Variants in IL6ST observed in about 807,000 individuals in gnomAD.
The protein encoded by IL6ST is interleukin-6 receptor subunit beta.
In IL6ST, 24 loss-of-function variants were observed where a neutral mutation model predicts 91.3. The observed-to-expected ratio is 0.26, with a 90% CI of 0.19 to 0.37. The LOEUF (loss-of-function observed/expected upper bound fraction) is 0.37, where lower values mean the gene tolerates loss of function less well. Ranked by LOEUF, IL6ST falls within the 10% of genes least tolerant of loss-of-function variation. The probability of loss-of-function intolerance (pLI) is 1.00; values close to 1 mark genes in which losing one functional copy is unlikely to be tolerated. For synonymous variants in IL6ST, 351 were observed against 373.6 expected (o/e 0.94, Z 0.70); for missense variants, 914 against 1,078.5 (o/e 0.85, Z 2.14).
rs553416928 is a variant in IL6ST, at chr5:55,994,152, G to A, written c.-104+632C>T. 9 of 141,694 alleles carry A rather than the reference G, an allele frequency of 6.4e-5. No homozygotes were observed. In the East Asian group the frequency reaches 1.6e-3, roughly 26 times the overall value. The allele number at this position is 141,694 out of a possible 1,614,324, so 8.8% of individuals were successfully genotyped here. A position where few individuals can be genotyped will look rare whatever the true frequency, so the allele number is the denominator to read the frequency against. On this transcript the variant is annotated intron_variant, in intron 1 of 16. Transcript: ENST00000381298. ...AATAAAATGCTGTTCATCCACTGAAGAACAGACCCTTGCTTCCTGCACTAT... is the reference window on the plus strand; with the variant it reads ...AATAAAATGCTGTTCATCCACTGAAAAACAGACCCTTGCTTCCTGCACTAT...
At chr5:55,953,884 G>A (rs1201510234) in intron 11 of IL6ST, among the ~76,000 whole-genome samples, 1 of 152,200 alleles carries the variant, frequency 6.6e-6, no homozygotes, top group African/African-American at 2.4e-5. Context: ...ATACTCCAGA[G>A]GATGAGGCAG....
chr5:55,976,507 T>C (rs1233842812), intron 2 of IL6ST, among the ~76,000 whole-genome samples: 1 of 152,192 alleles, frequency 6.6e-6, no homozygotes, highest in Non-Finnish European at 1.5e-5. Context: ...AATTTATACT[T>C]TAAGGTTAAT....
At chr5:55,944,221 G>A (rs1191723756) in intron 15 of IL6ST, among the ~76,000 whole-genome samples, 3 of 152,100 alleles carry the variant, frequency 2.0e-5, no homozygotes, top group Non-Finnish European at 4.4e-5. Context: ...TGTACTAGAG[G>A]TCTTAGCCAG....
intron 15 of IL6ST, among the ~76,000 whole-genome samples, chr5:55,945,046 A>T (rs1193885055): frequency 7.1e-6 from 1 of 141,490 alleles, no homozygotes; most frequent in African/African-American, 2.9e-5. Flanking sequence ...AAATCAAAAA[A>T]AAAAAAAAAA....
chr5:55,952,696 C>T (rs1006711611), intron 11 of IL6ST, among the ~76,000 whole-genome samples: 5 of 152,074 alleles, frequency 3.3e-5, no homozygotes, highest in African/African-American at 1.2e-4. Context: ...AGGAGCAAGA[C>T]GACTAAAGCA....
At chr5:55,951,729 A>G in intron 13 of IL6ST, 125 bp from the exon 14 acceptor site, 2 of 924,222 alleles carry the variant, frequency 2.2e-6, no homozygotes, top group Non-Finnish European at 3.3e-6. Flanking sequence ...AACTTTTATA[A>G]TGTTCTGACA....
At chr5:55,947,614 A>AAT in intron 14 of IL6ST, 25 bp from the exon 15 acceptor site, 5 of 1,321,538 alleles carry the variant, frequency 3.8e-6, no homozygotes, top group Non-Finnish European at 5.3e-6. Context: ...AAAAAAAAAA[A>AAT]AAAGAGGTGT....
chr5:55,940,338 T>C lies in IL6ST; in HGVS notation c.*744A>G, dbSNP rs1000219531. On this transcript the variant is annotated 3_prime_UTR_variant, in exon 17 of 17. Coordinates refer to ENST00000381298, the MANE Select transcript of IL6ST (RefSeq NM_002184.4). ...CCTAGCTCTTATCATGGCACTCTGT[T>C]GAGTTTGTGAAATGCATCTTCAAAG... The C allele has an allele frequency of 9.6e-6, 2 of 209,272 alleles. No homozygotes were observed. The highest frequency in any genetic ancestry group is 1.4e-4 in the East Asian group (2 of 13,872). 13.0% of individuals were successfully genotyped at this position (209,272 alleles called of 1,614,324 possible). A position where few individuals can be genotyped will look rare whatever the true frequency, so the allele number is the denominator to read the frequency against.
At chr5:55,986,536 T>C (rs538643193) in intron 1 of IL6ST, among the ~76,000 whole-genome samples, 2 of 152,318 alleles carry the variant, frequency 1.3e-5, no homozygotes, top group African/African-American at 4.8e-5. Context: ...TGCTTTCCAA[T>C]TGGGTGTTCA....
At chr5:55,955,016 GAAATAAT>G in intron 10 of IL6ST, 24 bp from the exon 11 acceptor site, 2 of 1,428,648 alleles carry the variant, frequency 1.4e-6, no homozygotes, top group Non-Finnish European at 1.9e-6. Flanking sequence ...TTTGAATATT[GAAATAAT>G]AAATATTAAC....
At chr5:55,960,892 A>G (rs1469598997) in intron 7 of IL6ST, among the ~76,000 whole-genome samples, 2 of 152,044 alleles carry the variant, frequency 1.3e-5, no homozygotes, top group Non-Finnish European at 2.9e-5. Context: ...CGGCCTCCCA[A>G]AGTGCCAGGA....
intron 3 of IL6ST, among the ~76,000 whole-genome samples, chr5:55,974,490 A>AGT (rs879835913): frequency 6.8e-6 from 1 of 146,724 alleles, no homozygotes; most frequent in Non-Finnish European, 1.5e-5. Context: ...CCAAGCTCAG[A>AGT]TTTTTTTTTT....
chr5:55,950,099 T>A (rs1751530269), intron 14 of IL6ST: 1 of 420,112 alleles, frequency 2.4e-6, no homozygotes, highest in Non-Finnish European at 4.8e-6. Flanking sequence ...TCAGCTTATG[T>A]GAGAGAAAAA....
chr5:55,974,341 T>C (rs1753144445), intron 3 of IL6ST, among the ~76,000 whole-genome samples: 1 of 152,218 alleles, frequency 6.6e-6, no homozygotes, highest in Non-Finnish European at 1.5e-5. Context: ...TGGTTGTTTT[T>C]TGAGATAGGG....
chr5:55,960,481 C>T lies in IL6ST; in HGVS notation c.894G>A (p.Arg298=), dbSNP rs1167102547. Residue 298 remains arginine (R), a synonymous_variant, in exon 8 of 17, where the codon AGG becomes AGA. Coordinates refer to ENST00000381298, the MANE Select transcript of IL6ST (RefSeq NM_002184.4). ...DLKPFTEYVF[R]IRCMKEDGKG... is the part of the protein sequence containing the mutation. ...TACCATCTTCCTTCATACAGCGAATCCTAAACACATATTCTGTAAAAGGTT... is the reference window on the plus strand; with the variant it reads ...TACCATCTTCCTTCATACAGCGAATTCTAAACACATATTCTGTAAAAGGTT... The T allele has an allele frequency of 6.2e-7, 1 of 1,613,912 alleles. No homozygotes were observed. The highest frequency in any genetic ancestry group is 1.3e-5 in the African/African-American group (1 of 74,902).
At position 55,936,804 on chromosome 5, in the gene IL6ST, A is replaced by G. The variant is rs1750560366; in HGVS notation, c.*4278T>C. ...CACTGCAAAGGTAAAAATACATGCTATACTCTAGACAAGCCTTCCAAATGA... is the reference window on the plus strand; with the variant it reads ...CACTGCAAAGGTAAAAATACATGCTGTACTCTAGACAAGCCTTCCAAATGA... On this transcript the variant is annotated 3_prime_UTR_variant, in exon 17 of 17. Coordinates refer to ENST00000381298, the MANE Select transcript of IL6ST (RefSeq NM_002184.4). 4 of 192,624 alleles carry G rather than the reference A, an allele frequency of 2.1e-5. No individual in the cohort carries two copies. The Admixed American group carries it at 2.4e-4, about 12-fold the overall frequency. The allele number at this position is 192,624 out of a possible 1,614,324, so 11.9% of individuals were successfully genotyped here. A position where few individuals can be genotyped will look rare whatever the true frequency, so the allele number is the denominator to read the frequency against.
intron 15 of IL6ST, among the ~76,000 whole-genome samples, chr5:55,946,649 T>G (rs1751268086): frequency 1.3e-5 from 2 of 151,700 alleles, no homozygotes; most frequent in Admixed American, 6.6e-5. Context: ...AAACTCCGTC[T>G]CAACTGTAAA....
At chr5:55,979,007 T>C (rs183385157) in intron 2 of IL6ST, among the ~76,000 whole-genome samples, 1 of 152,274 alleles carries the variant, frequency 6.6e-6, no homozygotes, top group African/African-American at 2.4e-5. Context: ...TAGGATAAAT[T>C]ATGGTATATT....
intron 1 of IL6ST, among the ~76,000 whole-genome samples, chr5:55,987,503 G>A (rs890839882): frequency 6.6e-6 from 1 of 152,140 alleles, no homozygotes; most frequent in Non-Finnish European, 1.5e-5. Flanking sequence ...ACAACAAAGT[G>A]TCAGAAAACT....
Sources: gnomAD v4.1 joint callset for allele counts (sites outside exome capture counted in the v4.1 genomes callset) on GRCh38, gnomAD v4.1.1 for gene constraint, MANE v1.5 for transcripts, NCBI Gene and HGNC (gene_info 2026-07-23, HGNC 2026-07-21) for gene names.